ABCB4: variants seen among roughly 807,000 people sequenced by gnomAD.
ABCB4 encodes the protein phosphatidylcholine translocator ABCB4.
Under a neutral mutation model 145.7 loss-of-function variants are expected in ABCB4, and 76 were observed. That is an observed-to-expected ratio of 0.52 (90% confidence interval 0.43 to 0.63). The LOEUF (loss-of-function observed/expected upper bound fraction) is 0.63, where lower values mean the gene tolerates loss of function less well. Ranked by LOEUF, ABCB4 falls within the 30% of genes least tolerant of loss-of-function variation. The pLI is 0.00. For synonymous variants in ABCB4, 517 were observed against 566.8 expected (o/e 0.91, Z 1.25); for missense variants, 1,234 against 1,553.1 (o/e 0.79, Z 3.45).
At chr7:87,443,807 A>G (rs981882214) in intron 10 of ABCB4, 34 bp from the exon 11 acceptor site, 1 of 1,518,822 alleles carries the variant, frequency 6.6e-7, no homozygotes, top group Non-Finnish European at 9.1e-7. Flanking sequence ...CTATTCCATC[A>G]TAGCACAAAC....
chr7:87,411,629 T>C (rs1808631413), intron 23 of ABCB4, among the ~76,000 whole-genome samples: 1 of 152,226 alleles, frequency 6.6e-6, no homozygotes. Context: ...AAAATTTGCA[T>C]CATCCTGACC....
chr7:87,423,730 T>C (rs1301819811), intron 17 of ABCB4, 176 bp downstream of exon 17: 21 of 709,482 alleles, frequency 3.0e-5, no homozygotes, highest in Non-Finnish European at 4.8e-5. Context: ...CTTAGAGTGA[T>C]TCAAAGGCTA....
the ABCB4 span, among the ~76,000 whole-genome samples, chr7:87,395,969 A>T: frequency 6.6e-6 from 1 of 152,208 alleles, no homozygotes; most frequent in Non-Finnish European, 1.5e-5. Context: ...CATTGTTGTT[A>T]AGAAGAAGTC....
At position 87,409,331 on chromosome 7, in the gene ABCB4, C is replaced by T. The variant is rs140948592; in HGVS notation, c.2986G>A (p.Asp996Asn). ...ALGHASSFAPDYAKAKLSAAH... is the reference protein window; with the variant it reads ...ALGHASSFAPNYAKAKLSAAH... ...GCAGACAGCTTAGCTTTAGCATAGTCTGGAGCAAATGAACTGGCATGTCCT... is the reference window on the plus strand; with the variant it reads ...GCAGACAGCTTAGCTTTAGCATAGTTTGGAGCAAATGAACTGGCATGTCCT... The change falls in exon 24 of 28, where the codon GAC (aspartate) becomes AAC (asparagine). Residue 996 changes from aspartate to asparagine, a missense_variant. Physicochemically the swap from Asp to Asn is conservative, Grantham distance 23. Coordinates refer to ENST00000649586, the MANE Select transcript of ABCB4 (RefSeq NM_000443.4). The T allele has an allele frequency of 4.3e-6, 7 of 1,613,974 alleles. No individual in the cohort carries two copies. The African/African-American group carries it at 8.0e-5, about 18-fold the overall frequency.
chr7:87,430,116 A>C (rs1169269050), intron 15 of ABCB4, among the ~76,000 whole-genome samples: 3 of 152,284 alleles, frequency 2.0e-5, no homozygotes, highest in Admixed American at 2.0e-4. Context: ...TCAGAAAGCA[A>C]GGCAAAATTT....
rs1201622461 is a variant in ABCB4 at position 87,431,485 on chromosome 7, C to G, written c.1812G>C (p.Glu604Asp). Residue 604 changes from glutamate to aspartate, a missense_variant, in exon 15 of 28, where the codon GAG becomes GAC. Transcript: ENST00000649586. Reference protein sequence around the residue: ...VRNADVIAGFEDGVIVEQGSH... With the variant: ...VRNADVIAGFDDGVIVEQGSH... ...TTCCTTGCTCCACAATTACTCCATC[C>G]TCAAACCCAGCGATGACATCTGCAT... The G allele has an allele frequency of 6.2e-7, 1 of 1,614,126 alleles. No individual in the cohort carries two copies. Among genetic ancestry groups the G allele is most frequent in the African/African-American group, 1.3e-5 (1 of 75,024 alleles).
chr7:87,390,850 A>C, the ABCB4 span, among the ~76,000 whole-genome samples: 37 of 152,246 alleles, frequency 2.4e-4, no homozygotes, highest in Non-Finnish European at 1.3e-4. Flanking sequence ...ATACTTTTTT[A>C]TATCACACAT....
chr7:87,449,360 A>T (rs566550529), intron 8 of ABCB4, among the ~76,000 whole-genome samples: 27 of 152,188 alleles, frequency 1.8e-4, no homozygotes, highest in African/African-American at 6.5e-4. Context: ...ATATTTTGAT[A>T]AGTATTTTTA....
chr7:87,396,189 A>T, the ABCB4 span, among the ~76,000 whole-genome samples: 1 of 152,116 alleles, frequency 6.6e-6, no homozygotes, highest in Non-Finnish European at 1.5e-5. Context: ...AGCAGTTTGG[A>T]AGGCCAAGGT....
intron 12 of ABCB4, among the ~76,000 whole-genome samples, chr7:87,440,780 C>T (rs11767995): frequency 0.064 from 9,718 of 151,990 alleles, 334 homozygotes; most frequent in South Asian, 0.14. Context: ...CTCGCTCTGT[C>T]GCCCAGGCTG....
intron 3 of ABCB4, among the ~76,000 whole-genome samples, chr7:87,471,082 G>A (rs1332837013): frequency 3.9e-5 from 6 of 152,084 alleles, no homozygotes; most frequent in African/African-American, 1.4e-4. Context: ...CATGGATGAA[G>A]CTGGAAACCA....
chr7:87,455,376 T>C (rs965905213), intron 4 of ABCB4, among the ~76,000 whole-genome samples: 10 of 152,250 alleles, frequency 6.6e-5, no homozygotes, highest in African/African-American at 2.4e-4. Context: ...ATTTATTAAA[T>C]ACCAGGCACT....
At chr7:87,391,693 T>C in the ABCB4 span, 2 of 1,609,610 alleles carry the variant, frequency 1.2e-6, no homozygotes, top group East Asian at 2.2e-5. Context: ...TGCCAGTCCA[T>C]GCAGGATCCT....
At chr7:87,379,466 G>A in the ABCB4 span, among the ~76,000 whole-genome samples, 18 of 152,088 alleles carry the variant, frequency 1.2e-4, 2 homozygotes, top group Middle Eastern at 3.4e-3. Flanking sequence ...CTTGCTTTCC[G>A]TCCCTCATCC....
At chr7:87,381,835 A>G in the ABCB4 span, 3 of 990,464 alleles carry the variant, frequency 3.0e-6, no homozygotes, top group Non-Finnish European at 3.1e-6. Flanking sequence ...AATGGACACA[A>G]AGTGAAAATA....
In ABCB4 at chr7:87,439,761, G is replaced by A. The variant is rs121918441; in HGVS notation, c.1637C>T (p.Ala546Val). The A allele has an allele frequency of 6.2e-7, 1 of 1,613,998 alleles. No homozygotes were observed. Among genetic ancestry groups the A allele is most frequent in the Non-Finnish European group, 8.5e-7 (1 of 1,180,024 alleles). Reference sequence around the variant, plus strand: ...AAGGATCTTGGGGTTGCGAACCAGGGCACGTGCAATGGCGATCCTCTGCTT... The same window carrying A: ...AAGGATCTTGGGGTTGCGAACCAGGACACGTGCAATGGCGATCCTCTGCTT... ...GQKQRIAIAR[A>V]LVRNPKILLL... Residue 546 changes from alanine (A) to valine (V), a missense_variant, in exon 14 of 28, where the codon GCC (alanine) becomes GTC (valine). Physicochemically the swap from Ala to Val is moderately conservative, Grantham distance 64. Transcript: ENST00000649586.
Position 87,469,879 on chromosome 7 carries a change from A to G in ABCB4, c.135+2742T>C, listed in dbSNP as rs1158725549. Among the ~76,000 whole-genome samples, 3 of 152,232 alleles carry G rather than the reference A, an allele frequency of 2.0e-5. No individual in the cohort carries two copies. The East Asian group carries it at 5.8e-4, about 29-fold the overall frequency. On this transcript the variant is annotated intron_variant, in intron 3 of 27. Coordinates refer to ENST00000649586, the MANE Select transcript of ABCB4 (RefSeq NM_000443.4). The stretch of plus-strand genomic sequence containing the variant: ...ATTGGAAAAAACTACTTTAAAGTTA[A>G]TATGGAACCAAAAAAGAGCCTGCAT...
chr7:87,455,882 C>T (rs1170409804), intron 4 of ABCB4, among the ~76,000 whole-genome samples: 2 of 152,126 alleles, frequency 1.3e-5, no homozygotes, highest in African/African-American at 4.8e-5. Context: ...TTATTTAAAA[C>T]TCAAACTACT....
At position 87,419,803 on chromosome 7, in the gene ABCB4, C is replaced by CAA. The variant is rs375378290; in HGVS notation, c.2394+193_2394+194dup. On this transcript the variant is annotated intron_variant, in intron 19 of 27. Coordinates refer to ENST00000649586, the MANE Select transcript of ABCB4 (RefSeq NM_000443.4). ...CTATTTCTATGAAAAAAAACAAAAA[C>CAA]AAAAAAAAAACAAAAAAAACATGAG... Among the ~76,000 whole-genome samples the CAA allele has an allele frequency of 1.0e-3, 139 of 135,056 alleles. 3 individuals are homozygous for CAA. The highest frequency in any genetic ancestry group is 3.6e-3 in the African/African-American group (132 of 36,916). The allele number at this position is 135,056 out of a possible 152,430, so 88.6% of individuals were successfully genotyped here. A position where few individuals can be genotyped will look rare whatever the true frequency, so the allele number is the denominator to read the frequency against.
Sources: allele counts gnomAD v4.1 joint callset (sites outside exome capture counted in the v4.1 genomes callset), GRCh38; gene constraint gnomAD v4.1.1; transcripts MANE v1.5; gene names NCBI Gene and HGNC (gene_info 2026-07-23, HGNC 2026-07-21).